CDK18: variants seen among roughly 807,000 people sequenced by gnomAD.
CDK18 encodes the protein cyclin dependent kinase 18.
Under a neutral mutation model 62.0 loss-of-function variants are expected in CDK18, and 52 were observed. That is an observed-to-expected ratio of 0.84 (90% CI 0.67 to 1.06). CDK18 has a LOEUF of 1.06. Among genes scored for constraint, CDK18 ranks in the 50% least tolerant of loss-of-function variants. The probability of loss-of-function intolerance (pLI) is 0.00; values close to 1 mark genes in which losing one functional copy is unlikely to be tolerated. For missense variants in CDK18, 604 were observed against 619.9 expected (o/e 0.97, Z 0.27); for synonymous variants, 237 against 247.0 (o/e 0.96, Z 0.38).
chr1:205,518,801 C>G (rs1477088303), intron 1 of CDK18, among the ~76,000 whole-genome samples: 4 of 152,230 alleles, frequency 2.6e-5, no homozygotes, highest in Non-Finnish European at 5.9e-5. Context: ...CTCCTTCCTC[C>G]TTCTGTGCCA....
At position 205,527,484 on chromosome 1, in the gene CDK18, G is replaced by GAA. The variant is rs397982726; in HGVS notation, c.730-295_730-294dup. On this transcript the variant is annotated intron_variant, in intron 8 of 15. Transcript: ENST00000429964. The surrounding 1 kb of genome is among the most constrained non-coding windows in gnomAD (Gnocchi z 4.1). Reference sequence around the variant, plus strand: ...ACAGAGTAAAACCCTGACTCTAAAAGAAAAAAAAAAAAAAAAGGGATCAAG... The same window carrying GAA: ...ACAGAGTAAAACCCTGACTCTAAAAGAAAAAAAAAAAAAAAAAAGGGATCAAG... The GAA allele has an allele frequency of 0.048, 9,017 of 189,572 alleles. 187 individuals are homozygous for GAA. The highest frequency in any genetic ancestry group is 0.082 in the Admixed American group (1,377 of 16,870). The allele number at this position is 189,572 out of a possible 1,614,324, so 11.7% of individuals were successfully genotyped here.
chr1:205,523,504 G>A lies in CDK18; in HGVS notation c.152G>A (p.Gly51Asp). ...RNENLQLGPL[G>D]RDPPQECSTF... ...TTAGACTTGCAGCTCGGTCCTCTTG[G>A]CAGAGACCCCCCGCAGGAGTGCAGC... Residue 51 changes from glycine to aspartate, a missense_variant, in exon 3 of 16, where the codon GGC becomes GAC. By Grantham distance (94) the Gly-to-Asp change is moderately conservative (BLOSUM62 -1). Transcript: ENST00000429964. The A allele has an allele frequency of 1.9e-6, 3 of 1,604,770 alleles. No homozygotes were observed. The highest frequency in any genetic ancestry group is 2.6e-6 in the Non-Finnish European group (3 of 1,176,212).
At chr1:205,529,186 TCGGCCGCCTCTCTCCCGGGCGG>T in intron 11 of CDK18, 90 bp downstream of exon 11, 1 of 1,362,464 alleles carries the variant, frequency 7.3e-7, no homozygotes, top group South Asian at 1.3e-5. Context: ...GAGGAGCGGC[TCGGCCGCCTCTCTCCCGGGCGG>T]GGACCCCCTG....
At chr1:205,506,055 G>A (rs191324704) in intron 1 of CDK18, among the ~76,000 whole-genome samples, 90 of 152,324 alleles carry the variant, frequency 5.9e-4, no homozygotes, top group African/African-American at 2.1e-3. Flanking sequence ...GCACATTCCT[G>A]GACACGGGCC....
chr1:205,529,498 G>T, intron 12 of CDK18, 23 bp from the exon 13 acceptor site: 1 of 1,609,322 alleles, frequency 6.2e-7, no homozygotes, highest in South Asian at 1.1e-5. Context: ...GGCACAGCCT[G>T]TGTCCGCGCC....
At position 205,532,770 on chromosome 1, in the gene CDK18, T is replaced by G. The variant is rs1436680094; in HGVS notation, c.*1392T>G. Reference sequence around the variant, plus strand: ...TGACTCAGTGCAGAGACAGATAATATATTTAATTCATGTACAGAAAGGAGC... The same window carrying G: ...TGACTCAGTGCAGAGACAGATAATAGATTTAATTCATGTACAGAAAGGAGC... On this transcript the variant is annotated 3_prime_UTR_variant, in exon 16 of 16. Transcript: ENST00000429964. The G allele has an allele frequency of 1.3e-5, 2 of 152,010 alleles. No individual in the cohort carries two copies. The highest frequency in any genetic ancestry group is 2.9e-5 in the Non-Finnish European group (2 of 67,956). The allele number at this position is 152,010 out of a possible 1,614,324, so 9.4% of individuals were successfully genotyped here.
chr1:205,518,183 T>G (rs1667921048), intron 1 of CDK18, among the ~76,000 whole-genome samples: 1 of 152,108 alleles, frequency 6.6e-6, no homozygotes, highest in African/African-American at 2.4e-5. Context: ...TCCCACACCT[T>G]CCCTCTTCCC....
At chr1:205,529,278 C>T (rs566139433) in intron 11 of CDK18, 46 bp from the exon 12 acceptor site, 16 of 1,553,032 alleles carry the variant, frequency 1.0e-5, no homozygotes, top group Non-Finnish European at 1.3e-5. Context: ...TCGGCCTTGG[C>T]CCTGGGCCTC....
chr1:205,532,513 A>G lies in CDK18; in HGVS notation c.*1135A>G, dbSNP rs1668780516. Reference sequence around the variant, plus strand: ...ACCATCTGAGGGAGAGGAACGTGGAACAGGAGCAGGCTCTGATGCTGAGAG... The same window carrying G: ...ACCATCTGAGGGAGAGGAACGTGGAGCAGGAGCAGGCTCTGATGCTGAGAG... On this transcript the variant is annotated 3_prime_UTR_variant, in exon 16 of 16. Transcript: ENST00000429964. 1 of 152,430 alleles carries G rather than the reference A, an allele frequency of 6.6e-6. No homozygotes were observed. Among genetic ancestry groups the G allele is most frequent in the Non-Finnish European group, 1.5e-5 (1 of 68,120 alleles). 9.4% of individuals were successfully genotyped at this position (152,430 alleles called of 1,614,324 possible). A position where few individuals can be genotyped will look rare whatever the true frequency, so the allele number is the denominator to read the frequency against.
rs199542040 is a variant in CDK18, at chr1:205,529,059, A to G, written c.1035A>G (p.Thr345=). 3 of 1,595,206 alleles carry G rather than the reference A, an allele frequency of 1.9e-6. No individual in the cohort carries two copies. In the East Asian group the frequency reaches 6.8e-5, roughly 36 times the overall value. ...ATGRPLFPGS[T]VKEELHLIFR... Reference sequence around the variant, plus strand: ...GGAGGCCCCTCTTCCCGGGCTCCACAGTCAAGGAGGAGCTGCACCTCATCT... The same window carrying G: ...GGAGGCCCCTCTTCCCGGGCTCCACGGTCAAGGAGGAGCTGCACCTCATCT... Residue 345 remains threonine (T), a synonymous_variant, in exon 11 of 16, where the codon ACA becomes ACG. Coordinates refer to ENST00000429964, the MANE Select transcript of CDK18 (RefSeq NM_212502.3).
intron 1 of CDK18, among the ~76,000 whole-genome samples, chr1:205,505,640 T>G (rs987437591): frequency 1.3e-5 from 2 of 152,174 alleles, no homozygotes; most frequent in African/African-American, 4.8e-5. Flanking sequence ...GGGTCTGGAC[T>G]GGAGGCCTCT....
intron 1 of CDK18, among the ~76,000 whole-genome samples, chr1:205,505,588 C>G (rs975269868): frequency 2.6e-5 from 4 of 152,164 alleles, no homozygotes; most frequent in African/African-American, 9.7e-5. Context: ...GAGGATTCTG[C>G]TGTAGTTGAG....
chr1:205,508,322 C>T (rs1379618837), intron 1 of CDK18, among the ~76,000 whole-genome samples: 10 of 152,262 alleles, frequency 6.6e-5, no homozygotes, highest in Admixed American at 5.2e-4. Context: ...CTGGCTCCCA[C>T]AGCTGCTTAC....
chr1:205,528,320 A>T lies in CDK18; in HGVS notation c.974+152A>T. 1.0e-6 allele frequency: 1 copy of T among 955,706 alleles called. No homozygotes were observed. The highest frequency in any genetic ancestry group is 1.5e-6 in the Non-Finnish European group (1 of 646,066). The allele number at this position is 955,706 out of a possible 1,614,324, so 59.2% of individuals were successfully genotyped here. ...ATCCTGCTGAAATGGATGTTAAAAAATTAGGTCTGAAATATAATAGGTTAG... is the reference window on the plus strand; with the variant it reads ...ATCCTGCTGAAATGGATGTTAAAAATTTAGGTCTGAAATATAATAGGTTAG... On this transcript the variant is annotated intron_variant, in intron 10 of 15. Coordinates refer to ENST00000429964, the MANE Select transcript of CDK18 (RefSeq NM_212502.3). The surrounding 1 kb of genome is among the most constrained non-coding windows in gnomAD (Gnocchi z 4.2).
At position 205,530,239 on chromosome 1, in the gene CDK18, C is replaced by T. The variant is rs375820116; in HGVS notation, c.1222-20C>T. 3.3e-4 allele frequency: 526 copies of T among 1,610,232 alleles called. 1 individual carries two copies. The African/African-American group carries it at 6.3e-3, about 19-fold the overall frequency. On this transcript the variant is annotated intron_variant, in intron 13 of 15. Transcript: ENST00000429964. ...GCAGCCCCCCAGCCGGGCCCAATAG[C>T]CCCACCCTGTGCCTTTCAGTATGAA...
intron 5 of CDK18, 101 bp downstream of exon 5, chr1:205,525,296 T>C (rs1668369174): frequency 3.8e-6 from 3 of 783,048 alleles, no homozygotes; most frequent in East Asian, 5.4e-5. Context: ...CCTCTCTGGT[T>C]GGCCCTCTCC....
rs114042314 is a variant in CDK18 at position 205,523,223 on chromosome 1, G to A, written c.56G>A (p.Arg19His). 1.4e-5 allele frequency: 23 copies of A among 1,614,078 alleles called. No individual in the cohort carries two copies. Among genetic ancestry groups the A allele is most frequent in the South Asian group, 8.8e-5 (8 of 91,076 alleles). The part of the protein sequence containing the change: ...FKRRFSLSVP[R>H]TETIEESLAE... ...CGCCGTTTCTCCCTGTCAGTGCCCCGCACTGAGACCATTGAAGAATCCTTG... is the reference window on the plus strand; with the variant it reads ...CGCCGTTTCTCCCTGTCAGTGCCCCACACTGAGACCATTGAAGAATCCTTG... Residue 19 changes from arginine (R) to histidine (H), a missense_variant, in exon 2 of 16, where the codon CGC (arginine) becomes CAC (histidine). By Grantham distance (29) the Arg-to-His change is conservative. Transcript: ENST00000429964.
At chr1:205,513,473 G>A (rs1317001184) in intron 1 of CDK18, among the ~76,000 whole-genome samples, 2 of 152,208 alleles carry the variant, frequency 1.3e-5, no homozygotes, top group East Asian at 3.8e-4. Context: ...CCCCAAAAAA[G>A]GTCAAAAGGA....
At chr1:205,529,249 A>T in intron 11 of CDK18, 75 bp from the exon 12 acceptor site, 2 of 1,432,694 alleles carry the variant, frequency 1.4e-6, no homozygotes, top group Admixed American at 3.5e-5. Context: ...CCCACCTCAT[A>T]CATTGCATCC....
Sources: gnomAD v4.1 joint callset for allele counts (sites outside exome capture counted in the v4.1 genomes callset) on GRCh38, gnomAD v4.1.1 for gene constraint, Gnocchi (gnomAD v3.1) non-coding constraint, MANE v1.5 for transcripts, NCBI Gene and HGNC (gene_info 2026-07-23, HGNC 2026-07-21) for gene names.